Variants in PLAC1 observed in about 807,000 individuals in gnomAD.
PLAC1 encodes placenta-specific protein 1.
For missense variants in PLAC1, 136 were observed against 163.2 expected (o/e 0.83, Z 0.91); for synonymous variants, 68 against 62.1 (o/e 1.09, Z -0.44).
intron 1 of PLAC1, among the ~76,000 whole-genome samples, chrX:134,740,963 GT>G (rs2078715656): frequency 1.8e-5 from 2 of 112,103 alleles, no homozygotes; most frequent in African/African-American, 3.2e-5. Context: ...CATTTCTGTT[GT>G]TTTAAGCCAT....
chrX:134,659,197 C>T (rs1019852351), upstream of PLAC1, among the ~76,000 whole-genome samples: 2 of 110,259 alleles, frequency 1.8e-5, no homozygotes, highest in African/African-American at 6.6e-5. Flanking sequence ...GCACATGTAC[C>T]CCGGAACTTA....
intron 2 of PLAC1, among the ~76,000 whole-genome samples, chrX:134,595,792 C>T (rs1310803951): frequency 2.7e-5 from 3 of 109,265 alleles, no homozygotes; most frequent in Admixed American, 9.9e-5. Context: ...TACATACTGT[C>T]GGGTCATTTT....
intron 2 of PLAC1, among the ~76,000 whole-genome samples, chrX:134,700,747 T>C (rs765027047): frequency 8.9e-6 from 1 of 111,747 alleles, no homozygotes; most frequent in Non-Finnish European, 1.9e-5. Flanking sequence ...ATGAAAGATC[T>C]CTACAATGAG....
intron 2 of PLAC1, among the ~76,000 whole-genome samples, chrX:134,600,076 A>C (rs185124048): frequency 8.9e-4 from 99 of 110,839 alleles, no homozygotes; most frequent in African/African-American, 3.1e-3. Context: ...AATAGGCTGG[A>C]GTGCAGTGGC....
chrX:134,585,201 C>T (rs1217507903), intron 2 of PLAC1, among the ~76,000 whole-genome samples: 1 of 60,943 alleles, frequency 1.6e-5, no homozygotes, highest in Non-Finnish European at 3.6e-5. Flanking sequence ...AAAAAAAAAG[C>T]CGGGCATGGT....
chrX:134,621,444 CAAAAAAAAAAA>C (rs11317429), intron 1 of PLAC1, among the ~76,000 whole-genome samples: 15 of 33,854 alleles, frequency 4.4e-4, no homozygotes, highest in African/African-American at 1.1e-3. Context: ...GGCTCTGTCT[CAAAAAAAAAAA>C]AAAAAAAAAA....
At chrX:134,570,117 C>T (rs1421479039) in intron 2 of PLAC1, among the ~76,000 whole-genome samples, 3 of 112,004 alleles carry the variant, frequency 2.7e-5, no homozygotes, top group African/African-American at 3.2e-5. Context: ...GGATTACAGG[C>T]GTGAGCCACC....
chrX:134,603,823 T>C lies in PLAC1; in HGVS notation c.-130-1701A>G, dbSNP rs2078110034. Reference sequence around the variant, plus strand: ...ATGATAAAGGGGTTGGACTATACGATGTTTAAGGTCCCTTTCATACCTAAA... The same window carrying C: ...ATGATAAAGGGGTTGGACTATACGACGTTTAAGGTCCCTTTCATACCTAAA... On this transcript the variant is annotated intron_variant, in intron 1 of 2. Coordinates refer to ENST00000359237, the MANE Select transcript of PLAC1 (RefSeq NM_021796.4). Among the ~76,000 whole-genome samples, 7 of 111,662 alleles carry C rather than the reference T, an allele frequency of 6.3e-5. No homozygotes were observed. The South Asian group carries it at 2.6e-3, about 42-fold the overall frequency.
intron 2 of PLAC1, among the ~76,000 whole-genome samples, chrX:134,575,453 A>G (rs2077932850): frequency 1.1e-5 from 1 of 88,520 alleles, no homozygotes; most frequent in East Asian, 3.6e-4. Context: ...CCAAAAAAAA[A>G]CAAACAAAAA....
chrX:134,656,810 C>T (rs2078393833), intron 1 of PLAC1, among the ~76,000 whole-genome samples: 1 of 111,828 alleles, frequency 8.9e-6, no homozygotes, highest in African/African-American at 3.2e-5. Flanking sequence ...TGGTCTTGAA[C>T]TCCTGGGCTT....
intron 1 of PLAC1, among the ~76,000 whole-genome samples, chrX:134,608,387 T>A (rs1381776385): frequency 8.9e-6 from 1 of 112,368 alleles, no homozygotes; most frequent in Non-Finnish European, 1.9e-5. Flanking sequence ...ACAATTTGGA[T>A]AAACCTTGAG....
chrX:134,676,097 G>A (rs1364726823), intron 2 of PLAC1, among the ~76,000 whole-genome samples: 2 of 112,245 alleles, frequency 1.8e-5, no homozygotes, highest in Non-Finnish European at 3.8e-5. Flanking sequence ...GGGTGAACTC[G>A]TACAGTCATT....
At chrX:134,599,653 G>A (rs1255840107) in intron 2 of PLAC1, 1 of 112,158 alleles carries the variant, frequency 8.9e-6, no homozygotes, top group Non-Finnish European at 1.9e-5. Context: ...GAGCCCAACA[G>A]TTTATATCAC....
At chrX:134,641,425 G>A (rs924646096) in intron 1 of PLAC1, among the ~76,000 whole-genome samples, 3 of 111,944 alleles carry the variant, frequency 2.7e-5, no homozygotes, top group African/African-American at 9.7e-5. Context: ...GTATCCTTTG[G>A]GTCCTGTATT....
At chrX:134,612,930 T>G in intron 1 of PLAC1, among the ~76,000 whole-genome samples, 1 of 110,466 alleles carries the variant, frequency 9.1e-6, no homozygotes, top group Non-Finnish European at 1.9e-5. Context: ...GGGCCAGGCA[T>G]GGGTTTCTCA....
intron 2 of PLAC1, among the ~76,000 whole-genome samples, chrX:134,686,040 T>C (rs761031020): frequency 2.2e-4 from 24 of 111,582 alleles, no homozygotes; most frequent in African/African-American, 7.8e-4. Flanking sequence ...GAAGGAATAC[T>C]TTAGAACCTG....
chrX:134,739,667 G>T (rs548034122), intron 1 of PLAC1, among the ~76,000 whole-genome samples: 6 of 113,215 alleles, frequency 5.3e-5, no homozygotes, highest in Middle Eastern at 4.6e-3. Flanking sequence ...GAATGGCAAT[G>T]TAGAATAAGA....
At chrX:134,741,594 A>G (rs2078717105) in intron 1 of PLAC1, among the ~76,000 whole-genome samples, 1 of 110,087 alleles carries the variant, frequency 9.1e-6, no homozygotes, top group African/African-American at 3.3e-5. Flanking sequence ...ATAATAAGCC[A>G]AATCCTAACC....
chrX:134,669,532 G>T (rs757453181), intron 2 of PLAC1, among the ~76,000 whole-genome samples: 11 of 112,432 alleles, frequency 9.8e-5, no homozygotes, highest in Non-Finnish European at 1.5e-4. Flanking sequence ...ACTTGGTGGG[G>T]GAGCACAGAG....
Sources: gnomAD v4.1 joint callset for allele counts (sites outside exome capture counted in the v4.1 genomes callset) on GRCh38, gnomAD v4.1.1 for gene constraint, MANE v1.5 for transcripts, NCBI Gene and HGNC (gene_info 2026-07-23, HGNC 2026-07-21) for gene names.